The following ITGAE variants were observed in gnomAD, a reference collection of about 807,000 sequenced individuals.
ITGAE encodes the protein integrin alpha-E.
Under a neutral mutation model 136.5 loss-of-function variants are expected in ITGAE, and 99 were observed. The ratio of observed to expected loss-of-function variants is 0.73; its 90% CI spans 0.62 to 0.86. The LOEUF is 0.86. ITGAE is among the 40% of genes least tolerant of loss of function. ITGAE has a pLI of 0.00. For missense variants in ITGAE, 1,447 were observed against 1,515.3 expected, an observed-to-expected ratio of 0.95 and a Z score of 0.75; for synonymous variants, 613 against 591.8, an observed-to-expected ratio of 1.04 and a Z score of -0.52.
intron 26 of ITGAE, among the ~76,000 whole-genome samples, chr17:3,727,599 C>T (rs1280129875): frequency 6.6e-6 from 1 of 152,028 alleles, no homozygotes; most frequent in Non-Finnish European, 1.5e-5. Context: ...CGGGGTTTCA[C>T]CGTGTTAGCC....
chr17:3,797,801 C>T (rs185924477), intron 1 of ITGAE, among the ~76,000 whole-genome samples: 166 of 152,312 alleles, frequency 1.1e-3, no homozygotes, highest in Non-Finnish European at 1.7e-3. Context: ...CTCCTCCCCA[C>T]GTCTGCCTTC....
rs58434003 is a variant in ITGAE at position 3,741,070 on chromosome 17, ATTTT to A, written c.2449-1196_2449-1193del. On this transcript the variant is annotated intron_variant, in intron 19 of 30. Coordinates refer to ENST00000263087, the MANE Select transcript of ITGAE (RefSeq NM_002208.5). ...AGTTTCATGCAGGGTTTTTTGTTGT[ATTTT>A]TTTTTTTTTTTTTTTTTTTTTGAGA... Among the ~76,000 whole-genome samples the A allele has an allele frequency of 6.7e-3, 515 of 76,780 alleles. 3 individuals are homozygous for A. Among genetic ancestry groups the A allele is most frequent in the Middle Eastern group, 0.025 (2 of 80 alleles). The allele number at this position is 76,780 out of a possible 152,430, so 50.4% of individuals were successfully genotyped here.
intron 20 of ITGAE, among the ~76,000 whole-genome samples, chr17:3,738,021 A>AC (rs2051498471): frequency 1.3e-5 from 2 of 152,198 alleles, no homozygotes; most frequent in Admixed American, 1.3e-4. Flanking sequence ...AAAGTCTTCA[A>AC]TTGGTCCTGC....
intron 1 of ITGAE, among the ~76,000 whole-genome samples, chr17:3,789,472 CCCTT>C (rs1315479998): frequency 7.3e-6 from 1 of 137,766 alleles, no homozygotes; most frequent in Non-Finnish European, 1.6e-5. Flanking sequence ...CTCCCTCCCT[CCCTT>C]CCCTCTCTCT....
At chr17:3,741,144 C>A (rs1235331963) in intron 19 of ITGAE, among the ~76,000 whole-genome samples, 5 of 131,108 alleles carry the variant, frequency 3.8e-5, no homozygotes, top group Non-Finnish European at 3.1e-5. Context: ...GTGGCGCAAT[C>A]TCCGCTCACT....
chr17:3,777,533 T>C lies in ITGAE; in HGVS notation c.155+7A>G, dbSNP rs1409571020. 1 of 1,607,098 alleles carries C rather than the reference T, an allele frequency of 6.2e-7. No homozygotes were observed. Among genetic ancestry groups the C allele is most frequent in the African/African-American group, 1.3e-5 (1 of 74,684 alleles). Reference sequence around the variant, plus strand: ...CTGAAGGCCTCTTGCCCACCGGCCCTACTCACCAGGTCTGGTTGGTGCTGG... The same window carrying C: ...CTGAAGGCCTCTTGCCCACCGGCCCCACTCACCAGGTCTGGTTGGTGCTGG... On this transcript the variant is annotated splice_region_variant and intron_variant, in intron 2 of 30. Transcript: ENST00000263087.
Position 3,745,844 on chromosome 17 carries a change from T to G in ITGAE, c.2239A>C (p.Ser747Arg). 6.2e-7 allele frequency: 1 copy of G among 1,614,082 alleles called. No homozygotes were observed. The highest frequency in any genetic ancestry group is 1.3e-5 in the African/African-American group (1 of 75,014). The stretch of plus-strand genomic sequence containing the variant: ...CACTCCCTCAGGCAGCCCAGACAGC[T>G]TCTTACGTCTGAACACTGCAGCCGT... ...RRRLQCSDVR[S>R]CLGCLREWSS... is the part of the protein sequence containing the mutation. The change falls in exon 18 of 31, where the codon AGC (serine) becomes CGC (arginine). Residue 747 changes from serine to arginine, a missense_variant. By Grantham distance (110) the Ser-to-Arg change is moderately radical. This residue lies in a region of ITGAE where 1,031 missense variants were observed against 1,011.4 expected (regional missense o/e 1.02). Coordinates refer to ENST00000263087, the MANE Select transcript of ITGAE (RefSeq NM_002208.5).
At chr17:3,796,744 C>G (rs1434817863) in intron 1 of ITGAE, among the ~76,000 whole-genome samples, 4 of 152,190 alleles carry the variant, frequency 2.6e-5, no homozygotes, top group Admixed American at 1.3e-4. Context: ...CTGTCAGCCA[C>G]CACTGTCTCC....
In ITGAE at chr17:3,761,900, C is replaced by T. The variant is rs139377124; in HGVS notation, c.315+15G>A. On this transcript the variant is annotated intron_variant, in intron 4 of 30. Coordinates refer to ENST00000263087, the MANE Select transcript of ITGAE (RefSeq NM_002208.5). Reference sequence around the variant, plus strand: ...GCCTCCCTAAGGCCCTCCCTCCTCTCGCTCCTGCACTCACCAAAACACCGT... The same window carrying T: ...GCCTCCCTAAGGCCCTCCCTCCTCTTGCTCCTGCACTCACCAAAACACCGT... The T allele has an allele frequency of 6.1e-4, 980 of 1,612,074 alleles. 17 individuals are homozygous for T. In the East Asian group the frequency reaches 0.013, roughly 21 times the overall value.
chr17:3,724,859 C>G (rs1416725008), intron 26 of ITGAE: 37 of 1,613,812 alleles, frequency 2.3e-5, no homozygotes, highest in Non-Finnish European at 3.1e-5. Context: ...TTCAAGAGGC[C>G]GTCCGGAGAG....
chr17:3,798,914 A>T lies in ITGAE; in HGVS notation c.34+2197T>A, dbSNP rs1597380633. ...GGGTTTCAGTGTCTGTCTGCACCCA[A>T]TGCTTCTAAAATCTCCCTTAGACAA... is the stretch of plus-strand genomic sequence containing the variant. On this transcript the variant is annotated intron_variant, in intron 1 of 30. Transcript: ENST00000263087. The surrounding 1 kb of genome is among the most constrained non-coding windows in gnomAD (Gnocchi z 4.3). Among the ~76,000 whole-genome samples, 1 of 152,162 alleles carries T rather than the reference A, an allele frequency of 6.6e-6. No individual in the cohort carries two copies. Among genetic ancestry groups the T allele is most frequent in the South Asian group, 2.1e-4 (1 of 4,836 alleles).
At chr17:3,726,627 T>C in intron 26 of ITGAE, 1 of 340,212 alleles carries the variant, frequency 2.9e-6, no homozygotes, top group South Asian at 7.1e-5. Flanking sequence ...CAAGAGTTCA[T>C]ATCTAGCCTG....
intron 2 of ITGAE, among the ~76,000 whole-genome samples, chr17:3,774,362 AT>A (rs2052492515): frequency 6.6e-6 from 1 of 152,146 alleles, no homozygotes; most frequent in African/African-American, 2.4e-5. Flanking sequence ...CCAGAAAAAA[AT>A]GGGGGAGAAA....
At chr17:3,725,095 C>G in intron 26 of ITGAE, 3 of 1,614,226 alleles carry the variant, frequency 1.9e-6, no homozygotes, top group Non-Finnish European at 2.5e-6. Flanking sequence ...ACCAGGGCTT[C>G]CTTCAGTTTC....
intron 9 of ITGAE, 85 bp downstream of exon 9, chr17:3,757,621 A>G: frequency 1.4e-6 from 2 of 1,438,948 alleles, no homozygotes; most frequent in Non-Finnish European, 1.9e-6. Flanking sequence ...AGCTGCTTAC[A>G]GAAAAGCCCC....
At chr17:3,783,599 AG>A (rs1426101738) in intron 1 of ITGAE, among the ~76,000 whole-genome samples, 1 of 152,254 alleles carries the variant, frequency 6.6e-6, no homozygotes, top group Non-Finnish European at 1.5e-5. Context: ...TAACAGTAAA[AG>A]TCATTTGAGT....
intron 2 of ITGAE, among the ~76,000 whole-genome samples, chr17:3,777,125 T>G: frequency 6.6e-6 from 1 of 152,158 alleles, no homozygotes. Flanking sequence ...CTCGCCTGGC[T>G]AATTTTTTCT....
At chr17:3,731,542 A>G (rs1197861855) in intron 22 of ITGAE, among the ~76,000 whole-genome samples, 9 of 151,288 alleles carry the variant, frequency 5.9e-5, no homozygotes, top group Admixed American at 5.9e-4. Context: ...GGGTTTCACC[A>G]TGTTGGCCAG....
At chr17:3,729,061 T>C (rs962239124) in intron 24 of ITGAE, among the ~76,000 whole-genome samples, 5 of 148,414 alleles carry the variant, frequency 3.4e-5, no homozygotes, top group African/African-American at 1.2e-4. Context: ...AAAAAAGGAA[T>C]AAAAGCTGAA....
Sources: gnomAD v4.1 joint callset for allele counts (sites outside exome capture counted in the v4.1 genomes callset) on GRCh38, gnomAD v4.1.1 for gene constraint, gnomAD v4.1.1 regional missense constraint, Gnocchi (gnomAD v3.1) non-coding constraint, MANE v1.5 for transcripts, NCBI Gene and HGNC (gene_info 2026-07-23, HGNC 2026-07-21) for gene names.